TENM3: variants seen among roughly 807,000 people sequenced by gnomAD.
TENM3 encodes teneurin transmembrane protein 3.
In TENM3, 63 loss-of-function variants were observed where a neutral mutation model predicts 255.1. That is an observed-to-expected ratio of 0.25 (90% CI 0.20 to 0.30). The LOEUF (loss-of-function observed/expected upper bound fraction) is 0.30, where lower values mean the gene tolerates loss of function less well. TENM3 is among the 10% of genes least tolerant of loss of function. TENM3 has a pLI of 1.00. For missense variants in TENM3, 2,929 were observed against 3,461.1 expected (o/e 0.85, Z 3.86); for synonymous variants, 1,306 against 1,322.3 (o/e 0.99, Z 0.27).
Position 182,530,117 on chromosome 4 carries a change from C to G in TENM3, c.512-70807C>G, listed in dbSNP as rs547386161. Among the ~76,000 whole-genome samples, 6 of 152,308 alleles carry G rather than the reference C, an allele frequency of 3.9e-5. No homozygotes were observed. The East Asian group carries it at 9.7e-4, about 25-fold the overall frequency. On this transcript the variant is annotated intron_variant, in intron 3 of 27. Transcript: ENST00000511685. ...GATGTGGCCAACATCTCATCCACAA[C>G]TTGTTCACAAACATATTCATCTCAT...
chr4:182,035,696 A>T, the TENM3 span, among the ~76,000 whole-genome samples: 1 of 141,056 alleles, frequency 7.1e-6, no homozygotes, highest in African/African-American at 3.2e-5. Flanking sequence ...GTGGCTGTTG[A>T]AATAGTTCCC....
At chr4:182,781,354 TAC>T (rs1765153762) in intron 24 of TENM3, among the ~76,000 whole-genome samples, 1 of 147,096 alleles carries the variant, frequency 6.8e-6, no homozygotes, top group Non-Finnish European at 1.5e-5. Flanking sequence ...TATGCTGGAT[TAC>T]ATTTATTGAT....
At chr4:182,517,694 A>T (rs908896107) in intron 3 of TENM3, among the ~76,000 whole-genome samples, 2 of 152,168 alleles carry the variant, frequency 1.3e-5, no homozygotes, top group African/African-American at 2.4e-5. Context: ...AACAAAGTTC[A>T]TTCTAACATA....
intron 1 of TENM3, among the ~76,000 whole-genome samples, chr4:182,178,845 G>A (rs1752677355): frequency 6.6e-6 from 1 of 152,100 alleles, no homozygotes; most frequent in African/African-American, 2.4e-5. Context: ...TTCTTAAACA[G>A]GTGATGCAGT....
Position 182,221,712 on chromosome 4 carries a change from A to G in TENM3, c.-76+76958A>G, listed in dbSNP as rs549585538. ...ATTAATCAGAGGAAGACATCAATAA[A>G]TATTTTTCAATCTGAAATTTTAAAT... On this transcript the variant is annotated intron_variant, in intron 1 of 2. Coordinates refer to the TENM3 transcript ENST00000512480. Among the ~76,000 whole-genome samples the G allele has an allele frequency of 3.3e-5, 5 of 152,350 alleles. No individual in the cohort carries two copies. In the South Asian group the frequency reaches 1.0e-3, roughly 32 times the overall value.
At chr4:181,796,956 C>T in the TENM3 span, among the ~76,000 whole-genome samples, 13 of 152,040 alleles carry the variant, frequency 8.6e-5, no homozygotes, top group Admixed American at 2.0e-4. Flanking sequence ...GATTTTTGGA[C>T]GTTGTGCTGT....
chr4:182,377,877 T>C (rs953101220), intron 3 of TENM3, among the ~76,000 whole-genome samples: 2 of 152,136 alleles, frequency 1.3e-5, no homozygotes, highest in Admixed American at 6.5e-5. Context: ...GAATGTCTTA[T>C]TGTGTGATCA....
At chr4:182,242,694 G>A (rs539805997), upstream of TENM3, among the ~76,000 whole-genome samples, 23 of 152,294 alleles carry the variant, frequency 1.5e-4, no homozygotes, top group South Asian at 4.0e-3. Flanking sequence ...CTGGGAAGTC[G>A]AGGTTGCATT....
the TENM3 span, among the ~76,000 whole-genome samples, chr4:181,501,569 G>A: frequency 4.6e-5 from 7 of 151,994 alleles, no homozygotes; most frequent in East Asian, 1.9e-4. Flanking sequence ...TAGTAGAGGC[G>A]GGGTTTCACT....
chr4:181,515,402 A>G, the TENM3 span, among the ~76,000 whole-genome samples: 1 of 152,168 alleles, frequency 6.6e-6, no homozygotes. Context: ...CTAAGGCTGT[A>G]TTTCTAGGAC....
At chr4:182,028,578 C>T in the TENM3 span, among the ~76,000 whole-genome samples, 10 of 152,064 alleles carry the variant, frequency 6.6e-5, no homozygotes, top group East Asian at 1.7e-3. Context: ...GATGTAGGCA[C>T]TTATGACTAT....
chr4:181,609,308 G>T, the TENM3 span, among the ~76,000 whole-genome samples: 1 of 152,144 alleles, frequency 6.6e-6, no homozygotes, highest in Non-Finnish European at 1.5e-5. Context: ...CTTATTGCTG[G>T]AAGGGAAATA....
At chr4:181,831,369 T>C in the TENM3 span, among the ~76,000 whole-genome samples, 1 of 152,166 alleles carries the variant, frequency 6.6e-6, no homozygotes, top group Non-Finnish European at 1.5e-5. Flanking sequence ...CATGGAGTTC[T>C]TATTTCTCCA....
Position 182,346,825 on chromosome 4 carries a change from G to A in TENM3, c.407G>A (p.Gly136Asp), listed in dbSNP as rs1420813102. Residue 136 changes from glycine (G) to aspartate (D), a missense_variant, in exon 3 of 28, where the codon GGC becomes GAC. Around this residue, in one of 6 missense-constraint regions of TENM3, gnomAD observed 283 missense variants for 256.9 expected, o/e 1.10. Transcript: ENST00000511685. The part of the protein sequence containing the change: ...MSPEHAMRLW[G>D]RGVKSGRSSC... ...CCAGAGCATGCCATGAGACTTTGGGGCAGGGGGGTCAAATCAGGCCGCAGC... is the reference window on the plus strand; with the variant it reads ...CCAGAGCATGCCATGAGACTTTGGGACAGGGGGGTCAAATCAGGCCGCAGC... 2 of 1,613,394 alleles carry A rather than the reference G, an allele frequency of 1.2e-6. No individual in the cohort carries two copies. The highest frequency in any genetic ancestry group is 1.7e-6 in the Non-Finnish European group (2 of 1,179,670).
chr4:181,618,618 C>T, the TENM3 span, among the ~76,000 whole-genome samples: 2 of 152,328 alleles, frequency 1.3e-5, no homozygotes, highest in East Asian at 3.9e-4. Context: ...ATAGGTAGAA[C>T]TCATCCTACG....
chr4:182,053,819 T>C, the TENM3 span, among the ~76,000 whole-genome samples: 1 of 152,134 alleles, frequency 6.6e-6, no homozygotes, highest in African/African-American at 2.4e-5. Context: ...ACCTTCACAC[T>C]GTAGGACTCA....
the TENM3 span, among the ~76,000 whole-genome samples, chr4:181,777,806 T>C: frequency 6.6e-6 from 1 of 152,118 alleles, no homozygotes; most frequent in African/African-American, 2.4e-5. Flanking sequence ...CTTTTGAAAT[T>C]CACGACAGTT....
chr4:181,602,140 A>T, the TENM3 span, among the ~76,000 whole-genome samples: 1 of 152,226 alleles, frequency 6.6e-6, no homozygotes. Flanking sequence ...AAGCAACTAA[A>T]ACTAAACAAT....
At position 182,789,466 on chromosome 4, in the gene TENM3, GAAA is replaced by G; in HGVS notation, c.5601+83_5601+85del. ...CAGCAATCATCCAGAGCACTAAGGG[GAAA>G]AAAAACAGTGGCACATGACTGAGTT... On this transcript the variant is annotated intron_variant, in intron 25 of 27. Transcript: ENST00000511685. This position sits in a 1 kb window ranked among gnomAD's most constrained non-coding sequence, Gnocchi z 4.4. The G allele has an allele frequency of 7.4e-7, 1 of 1,346,862 alleles. No homozygotes were observed. Among genetic ancestry groups the G allele is most frequent in the Non-Finnish European group, 1.0e-6 (1 of 991,432 alleles). 83.4% of individuals were successfully genotyped at this position (1,346,862 alleles called of 1,614,324 possible).
Sources: gnomAD v4.1 joint callset for allele counts (sites outside exome capture counted in the v4.1 genomes callset) on GRCh38, gnomAD v4.1.1 for gene constraint, gnomAD v4.1.1 regional missense constraint, Gnocchi (gnomAD v3.1) non-coding constraint, MANE v1.5 for transcripts, NCBI Gene and HGNC (gene_info 2026-07-23, HGNC 2026-07-21) for gene names.